The following PRKG2 variants were observed in gnomAD, a reference collection of about 807,000 sequenced individuals.
PRKG2 encodes protein kinase cGMP-dependent 2.
PRKG2 carries 33 observed loss-of-function variants against 97.2 expected under a neutral mutation model. The ratio of observed to expected loss-of-function variants is 0.34; its 90% CI spans 0.26 to 0.45. PRKG2 has a LOEUF of 0.45. Ranked by LOEUF, PRKG2 falls within the 20% of genes least tolerant of loss-of-function variation. The pLI is 1.00. For missense variants in PRKG2, 638 were observed against 900.0 expected (o/e 0.71, Z 3.73); for synonymous variants, 330 against 321.8 (o/e 1.03, Z -0.27).
chr4:81,195,143 T>C (rs1410063011), intron 2 of PRKG2, among the ~76,000 whole-genome samples: 1 of 152,216 alleles, frequency 6.6e-6, no homozygotes, highest in Non-Finnish European at 1.5e-5. Flanking sequence ...GAACATGCTC[T>C]ACTGAAGGCT....
intron 11 of PRKG2, among the ~76,000 whole-genome samples, chr4:81,142,510 C>T (rs989035214): frequency 6.6e-6 from 1 of 152,018 alleles, no homozygotes; most frequent in Non-Finnish European, 1.5e-5. Context: ...TTTTATGTTT[C>T]CTTTTGGACG....
At chr4:81,171,832 C>T (rs1306416982) in intron 3 of PRKG2, 28 bp from the exon 4 acceptor site, 10 of 1,487,838 alleles carry the variant, frequency 6.7e-6, no homozygotes, top group African/African-American at 1.4e-5. Context: ...AAAAAACACA[C>T]ACACAAATAA....
intron 14 of PRKG2, among the ~76,000 whole-genome samples, chr4:81,113,049 A>G (rs72871784): frequency 0.14 from 21,043 of 152,092 alleles, 2,838 homozygotes; most frequent in East Asian, 0.39. Flanking sequence ...CAGTCGTGCC[A>G]CCAAAAGGAA....
intron 1 of PRKG2, among the ~76,000 whole-genome samples, chr4:81,209,139 T>C (rs1365969843): frequency 3.3e-5 from 5 of 152,304 alleles, no homozygotes; most frequent in Non-Finnish European, 5.9e-5. Flanking sequence ...GTAATCGCCA[T>C]TTAGAAATTG....
At chr4:81,125,363 C>T (rs1850499) in intron 14 of PRKG2, among the ~76,000 whole-genome samples, 41,796 of 151,994 alleles carry the variant, frequency 0.27, 8,468 homozygotes, top group African/African-American at 0.55. Flanking sequence ...CCACCTGTTC[C>T]AGAACTTTGA....
intron 9 of PRKG2, among the ~76,000 whole-genome samples, chr4:81,147,442 C>T (rs187654040): frequency 1.6e-4 from 24 of 152,292 alleles, no homozygotes; most frequent in African/African-American, 5.8e-4. Flanking sequence ...TCTGAACACA[C>T]TTCACACTTT....
intron 6 of PRKG2, among the ~76,000 whole-genome samples, chr4:81,158,799 C>G (rs1000101580): frequency 1.3e-5 from 2 of 152,112 alleles, no homozygotes; most frequent in African/African-American, 4.8e-5. Context: ...CGTCACATAT[C>G]TACAACCATC....
At chr4:81,102,332 T>A (rs989120770) in intron 17 of PRKG2, among the ~76,000 whole-genome samples, 1 of 152,174 alleles carries the variant, frequency 6.6e-6, no homozygotes, top group African/African-American at 2.4e-5. Context: ...ATATATCACT[T>A]CTATTTCCCA....
intron 17 of PRKG2, among the ~76,000 whole-genome samples, chr4:81,095,269 G>A (rs367779264): frequency 3.9e-5 from 6 of 152,170 alleles, no homozygotes; most frequent in Admixed American, 3.9e-4. Flanking sequence ...GTCAAAAAGT[G>A]AGAGTCAGAC....
At chr4:81,183,206 G>A (rs1166986320) in intron 2 of PRKG2, among the ~76,000 whole-genome samples, 1 of 152,124 alleles carries the variant, frequency 6.6e-6, no homozygotes, top group African/African-American at 2.4e-5. Flanking sequence ...CTGGCAAGAT[G>A]GCCAAATAGG....
chr4:81,149,381 AT>A (rs1239053084), intron 8 of PRKG2, among the ~76,000 whole-genome samples: 1 of 152,206 alleles, frequency 6.6e-6, no homozygotes. Flanking sequence ...CATTAATAAA[AT>A]AAAAAAGTAG....
intron 17 of PRKG2, 61 bp from the exon 18 acceptor site, chr4:81,092,513 G>GAAGGAAGGAAGGAAGGAAGGAAGGAAGA (rs1553916436): frequency 2.0e-6 from 2 of 983,220 alleles, no homozygotes; most frequent in African/African-American, 3.4e-5. Context: ...AGGAAGGAAG[G>GAAGGAAGGAAGGAAGGAAGGAAGGAAGA]GAGAAAGAAA....
chr4:81,183,774 TG>T (rs1751633284), intron 2 of PRKG2, among the ~76,000 whole-genome samples: 1 of 152,052 alleles, frequency 6.6e-6, no homozygotes, highest in South Asian at 2.1e-4. Context: ...TACAGCAGTC[TG>T]AAGTCAACCT....
At chr4:81,192,923 A>G (rs553293463) in intron 2 of PRKG2, 13 of 152,138 alleles carry the variant, frequency 8.5e-5, no homozygotes, top group African/African-American at 1.7e-4. Flanking sequence ...TCATCCTCTA[A>G]GTTGCTTCAG....
intron 2 of PRKG2, among the ~76,000 whole-genome samples, chr4:81,198,204 A>G (rs1753081834): frequency 6.6e-6 from 1 of 152,236 alleles, no homozygotes; most frequent in South Asian, 2.1e-4. Context: ...TAAAGTGAGA[A>G]GGACTAAAGG....
At chr4:81,153,126 T>C (rs1440450958) in intron 7 of PRKG2, among the ~76,000 whole-genome samples, 1 of 152,256 alleles carries the variant, frequency 6.6e-6, no homozygotes, top group African/African-American at 2.4e-5. Flanking sequence ...AGACTTATTG[T>C]ACATGTTAGT....
chr4:81,126,217 T>C (rs527983597), intron 14 of PRKG2, among the ~76,000 whole-genome samples: 3 of 152,366 alleles, frequency 2.0e-5, no homozygotes, highest in South Asian at 4.1e-4. Flanking sequence ...TCATCCATTT[T>C]TATGGCTGCA....
At chr4:81,137,543 G>T in intron 12 of PRKG2, 61 bp from the exon 13 acceptor site, 1 of 1,332,732 alleles carries the variant, frequency 7.5e-7, no homozygotes, top group Non-Finnish European at 1.1e-6. Flanking sequence ...CCTTTTTAAA[G>T]TTGCTTAGAA....
chr4:81,150,975 A>G (rs2110056210), intron 8 of PRKG2, among the ~76,000 whole-genome samples: 1 of 152,228 alleles, frequency 6.6e-6, no homozygotes, highest in East Asian at 1.9e-4. Flanking sequence ...AATAGCTAAA[A>G]CTTTATTTTT....
Sources: allele counts gnomAD v4.1 joint callset (sites outside exome capture counted in the v4.1 genomes callset), GRCh38; gene constraint gnomAD v4.1.1; transcripts MANE v1.5; gene names NCBI Gene and HGNC (gene_info 2026-07-23, HGNC 2026-07-21).